RAB27B: variants seen among roughly 807,000 people sequenced by gnomAD.
RAB27B encodes the protein RAB27B, member RAS oncogene family, also known as ras-related protein Rab-27B.
A neutral mutation model predicts 24.6 loss-of-function variants in RAB27B; 15 were observed. The ratio of observed to expected loss-of-function variants is 0.61; its 90% CI spans 0.41 to 0.94. RAB27B has a LOEUF of 0.94. Ranked by LOEUF, RAB27B falls within the 40% of genes least tolerant of loss-of-function variation. The pLI, the probability that RAB27B is intolerant of heterozygous loss-of-function variation, is 0.00. For missense variants in RAB27B, 261 were observed against 266.8 expected (o/e 0.98, Z 0.15); for synonymous variants, 105 against 92.5 (o/e 1.14, Z -0.78).
chr18:54,776,540 AACAG>A (rs1484772013), intron 2 of RAB27B, among the ~76,000 whole-genome samples: 1 of 152,174 alleles, frequency 6.6e-6, no homozygotes, highest in East Asian at 1.9e-4. Context: ...CAGTGCGTAA[AACAG>A]ACAACTTCTT....
rs1913386071 is a variant in RAB27B at position 54,891,996 on chromosome 18, C to T, written c.*2583C>T. 1 of 152,044 alleles carries T rather than the reference C, an allele frequency of 6.6e-6. No individual in the cohort carries two copies. Among genetic ancestry groups the T allele is most frequent in the Admixed American group, 6.6e-5 (1 of 15,234 alleles). The allele number at this position is 152,044 out of a possible 1,614,324, so 9.4% of individuals were successfully genotyped here. A position where few individuals can be genotyped will look rare whatever the true frequency, so the allele number is the denominator to read the frequency against. On this transcript the variant is annotated 3_prime_UTR_variant, in exon 6 of 6. Transcript: ENST00000262094. ...AATCATTATTAGAAATTCCTTCTCT[C>T]ATTATTTCAGGATTAGTAGTTCTGT...
upstream of RAB27B, among the ~76,000 whole-genome samples, chr18:54,824,196 T>G (rs2871673): frequency 0.23 from 34,838 of 152,168 alleles, 4,226 homozygotes; most frequent in East Asian, 0.39. Flanking sequence ...ATTTTTATTA[T>G]GTCCAGATCT....
intron 2 of RAB27B, among the ~76,000 whole-genome samples, chr18:54,774,474 C>A (rs1373447574): frequency 6.6e-6 from 1 of 152,126 alleles, no homozygotes; most frequent in Non-Finnish European, 1.5e-5. Context: ...AACCAGAATC[C>A]AAACACAGAG....
At chr18:54,850,359 T>TATATATATATATATAC (rs1491518141) in intron 1 of RAB27B, among the ~76,000 whole-genome samples, 15 of 126,872 alleles carry the variant, frequency 1.2e-4, no homozygotes, top group South Asian at 5.1e-4. Context: ...TATATATATA[T>TATATATATATATATAC]ACATACATAC....
chr18:54,850,347 T>C (rs1261422352), intron 1 of RAB27B, among the ~76,000 whole-genome samples: 5 of 136,312 alleles, frequency 3.7e-5, no homozygotes, highest in South Asian at 2.4e-4. Flanking sequence ...TATATATATA[T>C]ATATATATAT....
rs930071083 is a variant in RAB27B at position 54,839,315 on chromosome 18, G to T, written c.-20+10615G>T. On this transcript the variant is annotated intron_variant, in intron 1 of 5. Coordinates refer to ENST00000262094, the MANE Select transcript of RAB27B (RefSeq NM_004163.4). ...TAATGGGAACAGTTTTGCAAATTCT[G>T]TTTTTTCCTACTACTGCTTTCTCTT... 2.0e-5 allele frequency among the ~76,000 whole-genome samples: 3 copies of T among 152,182 alleles called. No individual in the cohort carries two copies. In the East Asian group the frequency reaches 5.8e-4, roughly 29 times the overall value.
At chr18:54,851,076 A>T (rs2145218918) in intron 1 of RAB27B, among the ~76,000 whole-genome samples, 1 of 152,280 alleles carries the variant, frequency 6.6e-6, no homozygotes, top group South Asian at 2.1e-4. Flanking sequence ...GCTAATATTA[A>T]TTTGAGTTAT....
At chr18:54,884,292 TG>T in intron 3 of RAB27B, 40 bp from the exon 4 acceptor site, 1 of 1,209,674 alleles carries the variant, frequency 8.3e-7, no homozygotes, top group Non-Finnish European at 1.2e-6. Context: ...CAAAGATATG[TG>T]GACTAACTTT....
chr18:54,772,659 C>T (rs1237106476), intron 2 of RAB27B, among the ~76,000 whole-genome samples: 1 of 152,062 alleles, frequency 6.6e-6, no homozygotes, highest in African/African-American at 2.4e-5. Context: ...AACTCAGTCT[C>T]TTTTATTAAT....
At chr18:54,769,960 T>A (rs1291988459) in intron 2 of RAB27B, among the ~76,000 whole-genome samples, 1 of 152,168 alleles carries the variant, frequency 6.6e-6, no homozygotes, top group Non-Finnish European at 1.5e-5. Flanking sequence ...CTCAGCTTCT[T>A]GGGTTCAAGT....
At chr18:54,831,377 G>A (rs1910669613) in intron 1 of RAB27B, among the ~76,000 whole-genome samples, 1 of 152,080 alleles carries the variant, frequency 6.6e-6, no homozygotes, top group Admixed American at 6.6e-5. Flanking sequence ...CAAGAAATGG[G>A]GGAGAGGAGA....
At chr18:54,805,463 G>GTTT (rs1909761952) in intron 2 of RAB27B, among the ~76,000 whole-genome samples, 1 of 151,992 alleles carries the variant, frequency 6.6e-6, no homozygotes, top group East Asian at 1.9e-4. Context: ...AAATGTCAGG[G>GTTT]TACTTTCTAG....
At position 54,840,976 on chromosome 18, in the gene RAB27B, G is replaced by A. The variant is rs369821716; in HGVS notation, c.-20+12276G>A. On this transcript the variant is annotated intron_variant, in intron 1 of 5. Transcript: ENST00000262094. ...AGCCTGGCCAACATGGTGAAACCCC[G>A]TCTCTACCAAAAATACAAAAATTAG... Among the ~76,000 whole-genome samples the A allele has an allele frequency of 5.1e-4, 78 of 151,964 alleles. No individual in the cohort carries two copies. In the South Asian group the frequency reaches 8.6e-3, roughly 17 times the overall value.
intron 2 of RAB27B, among the ~76,000 whole-genome samples, chr18:54,813,041 A>G (rs1350580729): frequency 1.3e-5 from 2 of 152,210 alleles, no homozygotes; most frequent in Non-Finnish European, 2.9e-5. Context: ...GCATAGAAAT[A>G]TGCTAACACC....
intron 1 of RAB27B, among the ~76,000 whole-genome samples, chr18:54,845,194 G>A (rs1266172669): frequency 6.6e-6 from 1 of 151,982 alleles, no homozygotes; most frequent in Non-Finnish European, 1.5e-5. Context: ...ATCATCTGAG[G>A]TCAGGAGTTT....
chr18:54,837,253 A>G (rs1457111793), intron 1 of RAB27B, among the ~76,000 whole-genome samples: 1 of 152,144 alleles, frequency 6.6e-6, no homozygotes, highest in Non-Finnish European at 1.5e-5. Context: ...AGTGGCAAAT[A>G]CAAAAGGTCT....
intron 2 of RAB27B, among the ~76,000 whole-genome samples, chr18:54,764,008 C>T (rs1908279947): frequency 6.6e-6 from 1 of 152,192 alleles, no homozygotes; most frequent in Non-Finnish European, 1.5e-5. Flanking sequence ...GACATCTGAA[C>T]ATTGCTCTTT....
At chr18:54,778,319 A>G (rs1908781021) in intron 2 of RAB27B, among the ~76,000 whole-genome samples, 1 of 151,952 alleles carries the variant, frequency 6.6e-6, no homozygotes, top group African/African-American at 2.4e-5. Flanking sequence ...CACGTCCTTC[A>G]GCATAAGAAT....
chr18:54,847,957 A>C (rs1340457887), intron 1 of RAB27B, among the ~76,000 whole-genome samples: 1 of 152,264 alleles, frequency 6.6e-6, no homozygotes, highest in Admixed American at 6.5e-5. Flanking sequence ...CAGACACTCC[A>C]GTGCAGCCAC....
Sources: gnomAD v4.1 joint callset for allele counts (sites outside exome capture counted in the v4.1 genomes callset) on GRCh38, gnomAD v4.1.1 for gene constraint, MANE v1.5 for transcripts, NCBI Gene and HGNC (gene_info 2026-07-23, HGNC 2026-07-21) for gene names.